The following CMSS1 variants were observed in gnomAD, a reference collection of about 807,000 sequenced individuals.
The protein encoded by CMSS1 is cms1 ribosomal small subunit homolog.
Under a neutral mutation model 43.5 loss-of-function variants are expected in CMSS1, and 33 were observed. The observed-to-expected ratio is 0.76, with a 90% CI of 0.57 to 1.01. The LOEUF is 1.01. Among genes scored for constraint, CMSS1 ranks in the 50% least tolerant of loss-of-function variants. The pLI, the probability that CMSS1 is intolerant of heterozygous loss-of-function variation, is 0.00. For missense variants in CMSS1, 313 were observed against 326.4 expected (o/e 0.96, Z 0.32); for synonymous variants, 115 against 117.2 (o/e 0.98, Z 0.12).
chr3:99,934,729 T>C (rs1707604021), intron 1 of CMSS1, among the ~76,000 whole-genome samples: 2 of 152,234 alleles, frequency 1.3e-5, no homozygotes, highest in East Asian at 3.9e-4. Flanking sequence ...CTTCCTCACC[T>C]CACTCTTAAA....
chr3:100,098,998 G>T lies in CMSS1; in HGVS notation c.65-47975G>T, dbSNP rs145037588. On this transcript the variant is annotated intron_variant, in intron 1 of 9. Coordinates refer to ENST00000421999, the MANE Select transcript of CMSS1 (RefSeq NM_032359.4). ...GATGTGGAGTAGAGTGATTCAGCAG[G>T]TTTTTGCTTTCCTGATTGCAGAACT... Among the ~76,000 whole-genome samples the T allele has an allele frequency of 4.6e-3, 694 of 152,248 alleles. 7 individuals carry two copies. Among genetic ancestry groups the T allele is most frequent in the African/African-American group, 0.016 (679 of 41,550 alleles).
Position 100,167,789 on chromosome 3 carries a change from T to C in CMSS1, c.467T>C (p.Val156Ala), listed in dbSNP as rs764700299. 5.0e-6 allele frequency: 8 copies of C among 1,613,532 alleles called. No individual in the cohort carries two copies. The Admixed American group carries it at 1.3e-4, about 27-fold the overall frequency. Residue 156 changes from valine (V) to alanine (A), a missense_variant, in exon 6 of 10, where the codon GTC (valine) becomes GCC (alanine). Transcript: ENST00000421999. ...AAGAACCACAGTGAGAAGAAATCGG[T>C]CCTGATGCTGATCATCTGCAGCTCG... is the stretch of plus-strand genomic sequence containing the variant. ...LRKNHSEKKS[V>A]LMLIICSSAV...
intron 1 of CMSS1, among the ~76,000 whole-genome samples, chr3:100,088,538 A>C (rs952226125): frequency 6.6e-6 from 1 of 152,198 alleles, no homozygotes; most frequent in Non-Finnish European, 1.5e-5. Context: ...GCACATTAAT[A>C]ATTCATAATA....
At chr3:100,053,341 T>C (rs2065405771) in intron 1 of CMSS1, among the ~76,000 whole-genome samples, 1 of 152,208 alleles carries the variant, frequency 6.6e-6, no homozygotes, top group African/African-American at 2.4e-5. Context: ...TCAAAGGCCG[T>C]AGGGAAGAAT....
At chr3:99,975,746 C>G (rs1045990763) in intron 1 of CMSS1, among the ~76,000 whole-genome samples, 1 of 152,176 alleles carries the variant, frequency 6.6e-6, no homozygotes, top group African/African-American at 2.4e-5. Flanking sequence ...ATACTCATAT[C>G]AAGGTCATTC....
intron 1 of CMSS1, chr3:99,833,171 C>G: frequency 6.9e-7 from 1 of 1,439,736 alleles, no homozygotes; most frequent in Non-Finnish European, 9.7e-7. Flanking sequence ...TTAATAAATG[C>G]TTAACCCAGT....
intron 2 of CMSS1, among the ~76,000 whole-genome samples, chr3:100,155,804 A>G (rs1160858286): frequency 6.6e-6 from 1 of 152,200 alleles, no homozygotes; most frequent in African/African-American, 2.4e-5. Context: ...CTTTATTCAT[A>G]ATTTTGAAAG....
intron 1 of CMSS1, among the ~76,000 whole-genome samples, chr3:99,962,344 G>A (rs1361357530): frequency 6.6e-6 from 1 of 152,144 alleles, no homozygotes; most frequent in Non-Finnish European, 1.5e-5. Context: ...TCATCAGGAA[G>A]GATATTTATT....
chr3:100,152,634 A>G (rs2066930129), intron 2 of CMSS1, among the ~76,000 whole-genome samples: 2 of 152,154 alleles, frequency 1.3e-5, no homozygotes, highest in Admixed American at 1.3e-4. Flanking sequence ...CCTTGATTTC[A>G]TCTTTAATCT....
intron 1 of CMSS1, among the ~76,000 whole-genome samples, chr3:100,128,855 G>A (rs916461078): frequency 6.6e-6 from 1 of 152,220 alleles, no homozygotes; most frequent in Non-Finnish European, 1.5e-5. Context: ...TTATTACTCA[G>A]TAGCGTCTAC....
At chr3:100,145,804 C>A (rs1020805189) in intron 1 of CMSS1, among the ~76,000 whole-genome samples, 8 of 152,212 alleles carry the variant, frequency 5.3e-5, no homozygotes, top group African/African-American at 1.9e-4. Context: ...TTGGATGAGG[C>A]CCACTCACAT....
rs527754956 is a variant in CMSS1 at position 100,096,633 on chromosome 3, G to GGAGGAGATGGGGTTAGTT, written c.65-50339_65-50322dup. 4.6e-3 allele frequency among the ~76,000 whole-genome samples: 696 copies of GGAGGAGATGGGGTTAGTT among 152,012 alleles called. 2 individuals are homozygous for GGAGGAGATGGGGTTAGTT. Among genetic ancestry groups the GGAGGAGATGGGGTTAGTT allele is most frequent in the South Asian group, 6.9e-3 (33 of 4,812 alleles). ...GTCTGGGAAGAGTAGTAGGGGGTGG[G>GGAGGAGATGGGGTTAGTT]GAGGAGATGGGGTTAGTTAAGGAGT... On this transcript the variant is annotated intron_variant, in intron 1 of 9. Coordinates refer to ENST00000421999, the MANE Select transcript of CMSS1 (RefSeq NM_032359.4).
chr3:99,941,884 C>T (rs1185510453), intron 1 of CMSS1, among the ~76,000 whole-genome samples: 1 of 152,102 alleles, frequency 6.6e-6, no homozygotes, highest in Non-Finnish European at 1.5e-5. Flanking sequence ...AATTGATCAA[C>T]AATGCAATAG....
intron 1 of CMSS1, among the ~76,000 whole-genome samples, chr3:99,979,465 A>T (rs1371398580): frequency 2.0e-5 from 3 of 152,238 alleles, no homozygotes. Flanking sequence ...CTAAATTTTG[A>T]AGATGATGAA....
In CMSS1 at chr3:100,176,395, A is replaced by C. The variant is rs781681607; in HGVS notation, c.736A>C (p.Arg246=). 68 of 1,613,010 alleles carry C rather than the reference A, an allele frequency of 4.2e-5. No individual in the cohort carries two copies. The highest frequency in any genetic ancestry group is 5.3e-5 in the Non-Finnish European group (63 of 1,179,156). ...DWNWRDQKLR[R]MMDIPEIRKE... The stretch of plus-strand genomic sequence containing the variant: ...GAACTGGAGAGATCAGAAGTTGAGG[A>C]GAATGATGGACATTCCCGAGGTACC... The change falls in exon 9 of 10, where the codon AGA becomes CGA. Residue 246 remains arginine, a synonymous_variant. Transcript: ENST00000421999.
chr3:100,042,671 T>G lies in CMSS1; in HGVS notation c.65-104302T>G, dbSNP rs531254024. 2.0e-5 allele frequency among the ~76,000 whole-genome samples: 3 copies of G among 152,350 alleles called. No individual in the cohort carries two copies. The East Asian group carries it at 5.8e-4, about 29-fold the overall frequency. On this transcript the variant is annotated intron_variant, in intron 1 of 9. Coordinates refer to ENST00000421999, the MANE Select transcript of CMSS1 (RefSeq NM_032359.4). ...TACTGAAGAATTTTATTGCCTTTTA[T>G]GGAGAACATGAGGGAGGAATAGAGA...
chr3:100,040,938 A>G (rs1272636181), intron 1 of CMSS1: 3 of 152,198 alleles, frequency 2.0e-5, no homozygotes, highest in Non-Finnish European at 4.4e-5. Context: ...TTTAAAAAGA[A>G]AAAGGTTTTT....
chr3:99,852,256 T>C (rs1315926217), intron 1 of CMSS1, among the ~76,000 whole-genome samples: 2 of 152,166 alleles, frequency 1.3e-5, no homozygotes, highest in African/African-American at 2.4e-5. Flanking sequence ...CCCTAAGGAA[T>C]TGAACCAAAG....
chr3:99,947,170 T>G (rs966039450), intron 1 of CMSS1, among the ~76,000 whole-genome samples: 1 of 149,998 alleles, frequency 6.7e-6, no homozygotes, highest in African/African-American at 2.5e-5. Context: ...AATAATATAT[T>G]CAGCACTGAA....
Sources: gnomAD v4.1 joint callset for allele counts (sites outside exome capture counted in the v4.1 genomes callset) on GRCh38, gnomAD v4.1.1 for gene constraint, MANE v1.5 for transcripts, NCBI Gene and HGNC (gene_info 2026-07-23, HGNC 2026-07-21) for gene names.